Variants in PAIP1 observed in about 807,000 individuals in gnomAD.
PAIP1 encodes the protein polyadenylate-binding protein-interacting protein 1.
In PAIP1, 16 loss-of-function variants were observed where a neutral mutation model predicts 61.3. That is an observed-to-expected ratio of 0.26 (90% CI 0.18 to 0.40). The LOEUF is 0.40. Among genes scored for constraint, PAIP1 ranks in the 10% least tolerant of loss-of-function variants. The pLI, the probability that PAIP1 is intolerant of heterozygous loss-of-function variation, is 1.00. For missense variants in PAIP1, 416 were observed against 600.9 expected (o/e 0.69, Z 3.22); for synonymous variants, 187 against 226.2 (o/e 0.83, Z 1.56).
chr5:43,549,306 T>C (rs1360990412), intron 2 of PAIP1, among the ~76,000 whole-genome samples: 1 of 152,192 alleles, frequency 6.6e-6, no homozygotes, highest in African/African-American at 2.4e-5. Context: ...GTGCTTGATA[T>C]GGTTTGGCTG....
intron 9 of PAIP1, among the ~76,000 whole-genome samples, chr5:43,531,728 CTG>C (rs1038408216): frequency 4.1e-5 from 6 of 147,438 alleles, no homozygotes; most frequent in Non-Finnish European, 6.0e-5. Flanking sequence ...AAGCAAGTAA[CTG>C]TTAACAAAAA....
At chr5:43,531,376 GTCATATTAATATGAAACT>G (rs1211154621) in intron 9 of PAIP1, among the ~76,000 whole-genome samples, 8 of 146,952 alleles carry the variant, frequency 5.4e-5, no homozygotes, top group Non-Finnish European at 1.0e-4. Context: ...TTTAATCAGG[GTCATATTAATATGAAACT>G]TCAAATGGTT....
chr5:43,535,586 C>G lies in PAIP1; in HGVS notation c.1027G>C (p.Glu343Gln). 6.2e-7 allele frequency: 1 copy of G among 1,606,264 alleles called. No individual in the cohort carries two copies. ...AWKEKGKMDM[E>Q]EIIQRIENVV... ...TTTTCAATTCTCTGAATAATTTCTT[C>G]CATATCCATCTTTCCTTTTTCCTTC... Residue 343 changes from glutamate (E) to glutamine (Q), a missense_variant, in exon 7 of 11, where the codon GAA (glutamate) becomes CAA (glutamine). Physicochemically the swap from Glu to Gln is conservative, Grantham distance 29. Around this residue, in one of 4 missense-constraint regions of PAIP1, gnomAD observed 135 missense variants for 283.9 expected, o/e 0.48. Coordinates refer to ENST00000306846, the MANE Select transcript of PAIP1 (RefSeq NM_006451.5).
intron 8 of PAIP1, 46 bp from the exon 9 acceptor site, chr5:43,533,838 G>T: frequency 1.7e-6 from 2 of 1,153,026 alleles, no homozygotes; most frequent in South Asian, 2.5e-5. Context: ...TTTCAGAATT[G>T]ATTTTTGTAA....
intron 9 of PAIP1, among the ~76,000 whole-genome samples, chr5:43,531,676 A>AAAAAAAAAAAAG (rs70997407): frequency 2.0e-4 from 29 of 143,094 alleles, no homozygotes; most frequent in Middle Eastern, 3.6e-3. Flanking sequence ...AAAAAAAAAA[A>AAAAAAAAAAAAG]AGAGAAAAAA....
chr5:43,557,016 A>G lies in PAIP1; in HGVS notation c.-170T>C. 1 of 1,164,996 alleles carries G rather than the reference A, an allele frequency of 8.6e-7. No homozygotes were observed. 72.2% of individuals were successfully genotyped at this position (1,164,996 alleles called of 1,614,324 possible). A position where few individuals can be genotyped will look rare whatever the true frequency, so the allele number is the denominator to read the frequency against. The stretch of plus-strand genomic sequence containing the variant: ...CTGCTCGGTGCTTCTGGCGGAGCGG[A>G]CGGCAGCCCGAGCACCCGCCGCTCC... On this transcript the variant is annotated 5_prime_UTR_variant, in exon 1 of 11. Transcript: ENST00000306846.
At position 43,550,330 on chromosome 5, in the gene PAIP1, C is replaced by A. The variant is rs186534738; in HGVS notation, c.436-2417G>T. Among the ~76,000 whole-genome samples, 165 of 152,138 alleles carry A rather than the reference C, an allele frequency of 1.1e-3. 3 individuals are homozygous for A. The highest frequency in any genetic ancestry group is 3.3e-3 in the African/African-American group (135 of 41,506). On this transcript the variant is annotated intron_variant, in intron 2 of 10. Transcript: ENST00000306846. The stretch of plus-strand genomic sequence containing the variant: ...CAAATTCACCTAGATTGGTGAAGAG[C>A]ACATAGTAAAGCACAGAATGTTCAA...
Position 43,556,837 on chromosome 5 carries a change from C to T in PAIP1, c.10G>A (p.Gly4Ser), listed in dbSNP as rs1430919939. 6.9e-7 allele frequency: 1 copy of T among 1,445,036 alleles called. No individual in the cohort carries two copies. Among genetic ancestry groups the T allele is most frequent in the Non-Finnish European group, 9.1e-7 (1 of 1,101,100 alleles). The allele number at this position is 1,445,036 out of a possible 1,614,324, so 89.5% of individuals were successfully genotyped here. A position where few individuals can be genotyped will look rare whatever the true frequency, so the allele number is the denominator to read the frequency against. Residue 4 changes from glycine (G) to serine (S), a missense_variant, in exon 1 of 11, where the codon GGT (glycine) becomes AGT (serine). Physicochemically the swap from Gly to Ser is moderately conservative, Grantham distance 56 (BLOSUM62 0). Transcript: ENST00000306846. Reference protein sequence around the residue: MSDGFDRAPGAGRG... With the variant: MSDSFDRAPGAGRG... ...CCAGCACCTGGGGCCCGATCGAAAC[C>T]GTCCGACATGCTCCTCCTCCTCCGC... is the stretch of plus-strand genomic sequence containing the variant.
chr5:43,555,656 A>C (rs1268173906), intron 2 of PAIP1, among the ~76,000 whole-genome samples, 174 bp downstream of exon 2: 1 of 152,234 alleles, frequency 6.6e-6, no homozygotes, highest in Non-Finnish European at 1.5e-5. Context: ...TAACTACAAA[A>C]TGTATTTCTG....
intron 3 of PAIP1, among the ~76,000 whole-genome samples, chr5:43,544,215 A>G (rs572830182): frequency 6.6e-6 from 1 of 150,544 alleles, no homozygotes; most frequent in Non-Finnish European, 1.5e-5. Context: ...CATAGAATCT[A>G]GATCTAACAA....
At chr5:43,532,671 CAA>C (rs1385690103) in intron 9 of PAIP1, among the ~76,000 whole-genome samples, 8 of 152,108 alleles carry the variant, frequency 5.3e-5, no homozygotes, top group African/African-American at 1.9e-4. Context: ...AAACAAAATG[CAA>C]AGACAGGCAA....
At chr5:43,556,456 C>G (rs1225846894) in intron 1 of PAIP1, 126 bp downstream of exon 1, 1 of 1,205,866 alleles carries the variant, frequency 8.3e-7, no homozygotes, top group Non-Finnish European at 1.0e-6. Context: ...ACGCGGCCCT[C>G]TCGGGGAATG....
Position 43,557,055 on chromosome 5 carries a change from C to T in PAIP1, c.-209G>A. ...ACCCGCCGCTCCAGAGCGCCCGCCC[C>T]GCTCGGCTACCCTCGGCTTTCCAGT... On this transcript the variant is annotated 5_prime_UTR_variant, in exon 1 of 11. Coordinates refer to ENST00000306846, the MANE Select transcript of PAIP1 (RefSeq NM_006451.5). 1 of 901,844 alleles carries T rather than the reference C, an allele frequency of 1.1e-6. No individual in the cohort carries two copies. The highest frequency in any genetic ancestry group is 1.5e-6 in the Non-Finnish European group (1 of 684,824). The allele number at this position is 901,844 out of a possible 1,614,324, so 55.9% of individuals were successfully genotyped here. A position where few individuals can be genotyped will look rare whatever the true frequency, so the allele number is the denominator to read the frequency against.
At position 43,557,013 on chromosome 5, in the gene PAIP1, C is replaced by T; in HGVS notation, c.-167G>A. ...CGGCTGCTCGGTGCTTCTGGCGGAGCGGACGGCAGCCCGAGCACCCGCCGC... is the reference window on the plus strand; with the variant it reads ...CGGCTGCTCGGTGCTTCTGGCGGAGTGGACGGCAGCCCGAGCACCCGCCGC... On this transcript the variant is annotated 5_prime_UTR_variant, in exon 1 of 11. Coordinates refer to ENST00000306846, the MANE Select transcript of PAIP1 (RefSeq NM_006451.5). 2.6e-6 allele frequency: 3 copies of T among 1,172,684 alleles called. No individual in the cohort carries two copies. The highest frequency in any genetic ancestry group is 3.2e-6 in the Non-Finnish European group (3 of 930,426). 72.6% of individuals were successfully genotyped at this position (1,172,684 alleles called of 1,614,324 possible).
intron 2 of PAIP1, among the ~76,000 whole-genome samples, chr5:43,554,252 G>A (rs1446586232): frequency 6.6e-6 from 1 of 152,162 alleles, no homozygotes; most frequent in Non-Finnish European, 1.5e-5. Flanking sequence ...AACAGCCCAA[G>A]TCAATAGGGA....
chr5:43,548,395 G>A (rs200756325), intron 2 of PAIP1, among the ~76,000 whole-genome samples: 3 of 148,374 alleles, frequency 2.0e-5, no homozygotes, highest in South Asian at 2.1e-4. Flanking sequence ...TTTTATTGGG[G>A]AAAAAAAAAA....
At chr5:43,535,147 A>T (rs1396195268) in intron 7 of PAIP1, among the ~76,000 whole-genome samples, 177 bp from the exon 8 acceptor site, 1 of 152,160 alleles carries the variant, frequency 6.6e-6, no homozygotes, top group Non-Finnish European at 1.5e-5. Context: ...GCCTTGAATT[A>T]TGTTCCACGT....
At chr5:43,547,270 A>G (rs1747678317) in intron 3 of PAIP1, among the ~76,000 whole-genome samples, 1 of 152,094 alleles carries the variant, frequency 6.6e-6, no homozygotes, top group Admixed American at 6.5e-5. Flanking sequence ...CTTATGAGGC[A>G]AGCAAATTCT....
intron 5 of PAIP1, 126 bp from the exon 6 acceptor site, chr5:43,537,070 T>A (rs1747185159): frequency 1.8e-6 from 1 of 556,260 alleles, no homozygotes; most frequent in Admixed American, 3.6e-5. Context: ...AGGAACACAC[T>A]CTGATATCTT....
Sources: gnomAD v4.1 joint callset for allele counts (sites outside exome capture counted in the v4.1 genomes callset) on GRCh38, gnomAD v4.1.1 for gene constraint, gnomAD v4.1.1 regional missense constraint, MANE v1.5 for transcripts, NCBI Gene and HGNC (gene_info 2026-07-23, HGNC 2026-07-21) for gene names.